NEK11: variants seen among roughly 807,000 people sequenced by gnomAD.
NEK11 encodes NIMA related kinase 11.
Under a neutral mutation model 80.7 loss-of-function variants are expected in NEK11, and 72 were observed. The ratio of observed to expected loss-of-function variants is 0.89; its 90% CI spans 0.74 to 1.08. The LOEUF (loss-of-function observed/expected upper bound fraction) is 1.08, where lower values mean the gene tolerates loss of function less well. Among genes scored for constraint, NEK11 ranks in the 50% least tolerant of loss-of-function variants. The probability of loss-of-function intolerance (pLI) is 0.00; values close to 1 mark genes in which losing one functional copy is unlikely to be tolerated. For missense variants in NEK11, 764 were observed against 763.6 expected, an observed-to-expected ratio of 1.00 and a Z score of -0.01; for synonymous variants, 251 against 260.7, an observed-to-expected ratio of 0.96 and a Z score of 0.36.
Position 131,315,774 on chromosome 3 carries a change from T to C in NEK11, c.1719-33783T>C, listed in dbSNP as rs149871876. Among the ~76,000 whole-genome samples, 140 of 152,204 alleles carry C rather than the reference T, an allele frequency of 9.2e-4. 2 individuals are homozygous for C. In the East Asian group the frequency reaches 0.013, roughly 14 times the overall value. ...CCCTGTGTCCATGTATTCTCATTAT[T>C]CGGCTTCCACTTGTAAGTGAGAACA... On this transcript the variant is annotated intron_variant, in intron 17 of 17. Transcript: ENST00000383366.
chr3:131,331,301 A>G (rs1435878512), intron 17 of NEK11, among the ~76,000 whole-genome samples: 1 of 152,226 alleles, frequency 6.6e-6, no homozygotes. Flanking sequence ...GACTAATTTT[A>G]TACACAACCA....
At chr3:131,177,343 C>T (rs1258458900) in intron 14 of NEK11, among the ~76,000 whole-genome samples, 1 of 152,032 alleles carries the variant, frequency 6.6e-6, no homozygotes, top group Admixed American at 6.6e-5. Flanking sequence ...TTAGTAATAC[C>T]AATCTGAAAA....
At chr3:131,127,258 C>T (rs2083530396) in intron 5 of NEK11, among the ~76,000 whole-genome samples, 1 of 151,974 alleles carries the variant, frequency 6.6e-6, no homozygotes, top group Non-Finnish European at 1.5e-5. Flanking sequence ...AGCCACTGTG[C>T]CTAGCCTTTT....
At chr3:131,063,906 A>T (rs780266602) in intron 3 of NEK11, among the ~76,000 whole-genome samples, 4 of 152,198 alleles carry the variant, frequency 2.6e-5, no homozygotes, top group Middle Eastern at 3.2e-3. Context: ...ATTCATAATA[A>T]CCAAAAGGTA....
At chr3:131,032,473 AT>A (rs779144104) in intron 3 of NEK11, among the ~76,000 whole-genome samples, 54 of 152,242 alleles carry the variant, frequency 3.5e-4, no homozygotes, top group Non-Finnish European at 1.3e-4. Context: ...ATACAGCTGC[AT>A]CACACCTTTC....
intron 14 of NEK11, among the ~76,000 whole-genome samples, chr3:131,213,202 C>T (rs555413149): frequency 6.6e-6 from 1 of 151,832 alleles, no homozygotes; most frequent in African/African-American, 2.4e-5. Flanking sequence ...CACACACACA[C>T]ACACACACAC....
chr3:131,316,412 C>T (rs947538090), intron 17 of NEK11, among the ~76,000 whole-genome samples: 4 of 152,164 alleles, frequency 2.6e-5, no homozygotes. Context: ...CACATTGAAC[C>T]TATTTCTCGA....
chr3:131,073,693 A>G (rs1259265930), intron 3 of NEK11, among the ~76,000 whole-genome samples: 1 of 152,204 alleles, frequency 6.6e-6, no homozygotes, highest in African/African-American at 2.4e-5. Flanking sequence ...CTTCAGGAGT[A>G]TAGGGAAACC....
chr3:131,159,110 A>G (rs2091175467), intron 10 of NEK11, among the ~76,000 whole-genome samples: 1 of 152,202 alleles, frequency 6.6e-6, no homozygotes. Flanking sequence ...AAAGTTATCA[A>G]GTAGAATAAA....
intron 2 of NEK11, among the ~76,000 whole-genome samples, chr3:131,028,336 C>A (rs1248555120): frequency 6.6e-6 from 1 of 152,110 alleles, no homozygotes; most frequent in Non-Finnish European, 1.5e-5. Flanking sequence ...CATTGACCAT[C>A]CTTAAAAACT....
chr3:131,117,992 C>G (rs1442131189), intron 5 of NEK11, among the ~76,000 whole-genome samples: 2 of 152,116 alleles, frequency 1.3e-5, no homozygotes. Context: ...TTCCCCTGAC[C>G]AGAACTTCCA....
intron 3 of NEK11, among the ~76,000 whole-genome samples, chr3:131,061,520 C>T (rs1047226925): frequency 1.3e-5 from 2 of 152,034 alleles, no homozygotes; most frequent in African/African-American, 2.4e-5. Flanking sequence ...GACAAAGTCT[C>T]TTCTCAAGGA....
chr3:131,099,322 G>C (rs2077991943), intron 4 of NEK11, among the ~76,000 whole-genome samples: 1 of 152,084 alleles, frequency 6.6e-6, no homozygotes, highest in African/African-American at 2.4e-5. Flanking sequence ...GTAGCTACTG[G>C]TTTATGGGTC....
At chr3:131,322,373 C>G (rs1441893068) in intron 17 of NEK11, among the ~76,000 whole-genome samples, 1 of 152,064 alleles carries the variant, frequency 6.6e-6, no homozygotes, top group Non-Finnish European at 1.5e-5. Flanking sequence ...ATTCATATCC[C>G]AAACCTCAGC....
intron 15 of NEK11, among the ~76,000 whole-genome samples, chr3:131,231,035 C>G (rs1007611759): frequency 3.3e-5 from 5 of 152,076 alleles, no homozygotes; most frequent in African/African-American, 1.2e-4. Context: ...GCCTTTCCAG[C>G]CATGTGGAAC....
chr3:131,075,964 A>G (rs984525139), intron 3 of NEK11, among the ~76,000 whole-genome samples: 1 of 152,172 alleles, frequency 6.6e-6, no homozygotes, highest in African/African-American at 2.4e-5. Flanking sequence ...GCTCAGGGCC[A>G]TGCTGTTTCT....
chr3:131,328,610 A>G (rs538509266), intron 17 of NEK11: 2 of 152,344 alleles, frequency 1.3e-5, no homozygotes, highest in African/African-American at 4.8e-5. Context: ...AGCTGCAGGG[A>G]AAGGGAAACA....
chr3:131,207,365 C>T (rs957317741), intron 14 of NEK11, among the ~76,000 whole-genome samples: 2 of 152,090 alleles, frequency 1.3e-5, no homozygotes, highest in African/African-American at 4.8e-5. Flanking sequence ...GGGTGGATCA[C>T]GAGGTCAGGA....
chr3:131,115,909 T>C (rs2080966975), intron 5 of NEK11, among the ~76,000 whole-genome samples: 1 of 47,090 alleles, frequency 2.1e-5, no homozygotes, highest in South Asian at 7.4e-4. Context: ...GTGTTTTCTT[T>C]CTTTCTTTCT....
Sources: gnomAD v4.1 joint callset for allele counts (sites outside exome capture counted in the v4.1 genomes callset) on GRCh38, gnomAD v4.1.1 for gene constraint, MANE v1.5 for transcripts, NCBI Gene and HGNC (gene_info 2026-07-23, HGNC 2026-07-21) for gene names.